The following CECR2 variants were observed in gnomAD, a reference collection of about 807,000 sequenced individuals.
CECR2 encodes the protein CECR2 histone acetyl-lysine reader.
Under a neutral mutation model 154.5 loss-of-function variants are expected in CECR2, and 30 were observed. That is an observed-to-expected ratio of 0.19 (90% confidence interval 0.15 to 0.26). CECR2 has a LOEUF of 0.26. CECR2 is among the 10% of genes least tolerant of loss of function. The probability of loss-of-function intolerance (pLI) is 1.00; values close to 1 mark genes in which losing one functional copy is unlikely to be tolerated. For synonymous variants in CECR2, 725 were observed against 683.7 expected, an observed-to-expected ratio of 1.06 and a Z score of -0.94; for missense variants, 1,743 against 1,829.3, an observed-to-expected ratio of 0.95 and a Z score of 0.86.
At chr22:17,494,849 C>T (rs1426592224) in intron 2 of CECR2, among the ~76,000 whole-genome samples, 1 of 152,146 alleles carries the variant, frequency 6.6e-6, no homozygotes, top group Non-Finnish European at 1.5e-5. Flanking sequence ...CACACGCCAC[C>T]ACGCCCGGCT....
At chr22:17,375,828 G>A (rs560478042) in intron 1 of CECR2, among the ~76,000 whole-genome samples, 1 of 152,180 alleles carries the variant, frequency 6.6e-6, no homozygotes, top group East Asian at 1.9e-4. Context: ...GGTGGTGCAT[G>A]CCTGTAATCC....
At chr22:17,519,231 G>T (rs1387281620) in intron 8 of CECR2, among the ~76,000 whole-genome samples, 1 of 151,904 alleles carries the variant, frequency 6.6e-6, no homozygotes, top group African/African-American at 2.4e-5. Flanking sequence ...TGTGCAGTCC[G>T]TGCAGCCACT....
At chr22:17,432,711 C>T (rs755222749) in intron 1 of CECR2, among the ~76,000 whole-genome samples, 1 of 152,172 alleles carries the variant, frequency 6.6e-6, no homozygotes, top group Non-Finnish European at 1.5e-5. Flanking sequence ...TCAAAGGTCA[C>T]TGCAGCCTCA....
At chr22:17,445,587 T>TA (rs2054648885) in intron 1 of CECR2, among the ~76,000 whole-genome samples, 1 of 124,252 alleles carries the variant, frequency 8.0e-6, no homozygotes. Context: ...TTATTATTAT[T>TA]ATTATTTGAG....
chr22:17,459,808 G>GT (rs2054909719), intron 1 of CECR2, among the ~76,000 whole-genome samples: 1 of 152,152 alleles, frequency 6.6e-6, no homozygotes, highest in African/African-American at 2.4e-5. Flanking sequence ...TTTCACATGG[G>GT]TTTTCCAAAT....
chr22:17,487,777 A>G lies in CECR2; in HGVS notation c.222-9626A>G, dbSNP rs186871922. On this transcript the variant is annotated intron_variant, in intron 2 of 18. Coordinates refer to ENST00000262608, the MANE Select transcript of CECR2 (RefSeq NM_001290047.2). ...GTAGAGTGCTCTTTATAGAACGCAGACTGATTTGTGCTTCAGTATGGTCTT... is the reference window on the plus strand; with the variant it reads ...GTAGAGTGCTCTTTATAGAACGCAGGCTGATTTGTGCTTCAGTATGGTCTT... 1.1e-4 allele frequency among the ~76,000 whole-genome samples: 16 copies of G among 152,274 alleles called. No homozygotes were observed. In the East Asian group the frequency reaches 2.3e-3, roughly 22 times the overall value.
At position 17,542,118 on chromosome 22, in the gene CECR2, CTG is replaced by C. The variant is rs71725489; in HGVS notation, c.2014-36_2014-35del. The C allele has an allele frequency of 3.9e-3, 6,285 of 1,591,996 alleles. 223 individuals are homozygous for C. In the African/African-American group the frequency reaches 0.075, roughly 19 times the overall value. ...AGCATGGCACAAAGTGTGCCTTATTCTGTGAGTCTGTAACTGTGCTGCCTTTT... is the reference window on the plus strand; with the variant it reads ...AGCATGGCACAAAGTGTGCCTTATTCTGAGTCTGTAACTGTGCTGCCTTTT... On this transcript the variant is annotated intron_variant, in intron 15 of 18. Coordinates refer to ENST00000262608, the MANE Select transcript of CECR2 (RefSeq NM_001290047.2).
chr22:17,368,116 A>G (rs966962472), upstream of CECR2, among the ~76,000 whole-genome samples: 4 of 152,158 alleles, frequency 2.6e-5, no homozygotes, highest in African/African-American at 7.2e-5. Context: ...TACTCTAACC[A>G]TTTAAAATTA....
At chr22:17,444,894 C>T (rs753367746) in intron 1 of CECR2, among the ~76,000 whole-genome samples, 14 of 152,136 alleles carry the variant, frequency 9.2e-5, no homozygotes, top group Admixed American at 2.6e-4. Context: ...GAAGGTGATA[C>T]AGATAATAAT....
At chr22:17,417,594 A>G (rs965546800) in intron 1 of CECR2, among the ~76,000 whole-genome samples, 5 of 152,182 alleles carry the variant, frequency 3.3e-5, no homozygotes, top group African/African-American at 1.2e-4. Context: ...GCAGCATTCC[A>G]CAACACCCAG....
chr22:17,536,695 C>T (rs1379572815), intron 9 of CECR2, among the ~76,000 whole-genome samples: 2 of 152,242 alleles, frequency 1.3e-5, no homozygotes, highest in South Asian at 2.1e-4. Flanking sequence ...AAAGGATTTG[C>T]GGATGTTGCT....
chr22:17,380,890 A>G (rs1317466323), intron 1 of CECR2, among the ~76,000 whole-genome samples: 5 of 152,214 alleles, frequency 3.3e-5, no homozygotes, highest in Non-Finnish European at 5.9e-5. Flanking sequence ...TGTCTCAGCA[A>G]CAATGGCACT....
intron 13 of CECR2, 32 bp downstream of exon 13, chr22:17,539,151 T>G (rs765340117): frequency 1.4e-5 from 23 of 1,607,116 alleles, no homozygotes; most frequent in Non-Finnish European, 2.0e-5. Flanking sequence ...GCTAGATACA[T>G]ATCTGTAATC....
At chr22:17,476,170 A>G (rs2055204304) in intron 1 of CECR2, among the ~76,000 whole-genome samples, 1 of 149,572 alleles carries the variant, frequency 6.7e-6, no homozygotes, top group Non-Finnish European at 1.5e-5. Flanking sequence ...CACAATTACC[A>G]TCTCACGAAA....
intron 1 of CECR2, among the ~76,000 whole-genome samples, chr22:17,464,926 T>A (rs1182462311): frequency 6.6e-6 from 1 of 152,212 alleles, no homozygotes; most frequent in Non-Finnish European, 1.5e-5. Context: ...CAATTTCTAA[T>A]TCACTTGACA....
upstream of CECR2, among the ~76,000 whole-genome samples, chr22:17,367,562 T>C (rs1025196473): frequency 2.0e-5 from 3 of 148,036 alleles, no homozygotes; most frequent in Non-Finnish European, 4.4e-5. Context: ...ATTTTATGTA[T>C]TTTTAGTAGA....
At chr22:17,426,042 T>C (rs1569075020) in intron 1 of CECR2, among the ~76,000 whole-genome samples, 2 of 152,180 alleles carry the variant, frequency 1.3e-5, no homozygotes, top group Admixed American at 6.5e-5. Context: ...GTACCCATCA[T>C]ATGTATAGCT....
chr22:17,438,201 C>T (rs1194768061), intron 1 of CECR2, among the ~76,000 whole-genome samples: 1 of 152,170 alleles, frequency 6.6e-6, no homozygotes, highest in Non-Finnish European at 1.5e-5. Flanking sequence ...AGATGACATG[C>T]GTTACAAACA....
intron 2 of CECR2, among the ~76,000 whole-genome samples, chr22:17,491,550 A>G (rs2055529204): frequency 8.3e-6 from 1 of 120,686 alleles, no homozygotes; most frequent in South Asian, 2.7e-4. Context: ...CTTTATTTCC[A>G]CTATTGGCTT....
Sources: allele counts gnomAD v4.1 joint callset (sites outside exome capture counted in the v4.1 genomes callset), GRCh38; gene constraint gnomAD v4.1.1; transcripts MANE v1.5; gene names NCBI Gene and HGNC (gene_info 2026-07-23, HGNC 2026-07-21).